The following NPSR1 variants were observed in gnomAD, a reference collection of about 807,000 sequenced individuals.
NPSR1 encodes the protein neuropeptide S receptor 1.
A neutral mutation model predicts 46.9 loss-of-function variants in NPSR1; 48 were observed. The observed-to-expected ratio is 1.02, with a 90% CI of 0.81 to 1.30. NPSR1 has a LOEUF of 1.30. Among genes scored for constraint, NPSR1 ranks in the 50% most tolerant of loss-of-function variants. The probability of loss-of-function intolerance (pLI) is 0.00; values close to 1 mark genes in which losing one functional copy is unlikely to be tolerated. For missense variants in NPSR1, 450 were observed against 449.5 expected, an observed-to-expected ratio of 1.00 and a Z score of -0.01; for synonymous variants, 176 against 168.1, an observed-to-expected ratio of 1.05 and a Z score of -0.36.
intron 2 of NPSR1, among the ~76,000 whole-genome samples, chr7:34,745,084 C>G (rs779570659): frequency 6.6e-6 from 1 of 152,130 alleles, no homozygotes; most frequent in East Asian, 1.9e-4. Context: ...GGAAGGCTAT[C>G]CATGGAAACC....
Position 34,858,507 on chromosome 7 carries a change from A to T in NPSR1, c.1025+9844A>T, listed in dbSNP as rs1193493831. Among the ~76,000 whole-genome samples the T allele has an allele frequency of 7.2e-5, 11 of 151,992 alleles. 1 individual carries two copies. Among genetic ancestry groups the T allele is most frequent in the African/African-American group, 2.7e-4 (11 of 41,250 alleles). On this transcript the variant is annotated intron_variant, in intron 8 of 8. Coordinates refer to the NPSR1 transcript ENST00000359791. ...CCAAAATTAAATTATCATATTTAGC[A>T]ATGCACACATAGGTAATTGTATTAG...
chr7:34,794,463 A>C (rs552598803), intron 3 of NPSR1, among the ~76,000 whole-genome samples: 1 of 152,328 alleles, frequency 6.6e-6, no homozygotes, highest in East Asian at 1.9e-4. Context: ...CAATTCCTTG[A>C]AAGATACAGT....
At chr7:34,762,581 C>G (rs1357707743) in intron 2 of NPSR1, among the ~76,000 whole-genome samples, 1 of 152,052 alleles carries the variant, frequency 6.6e-6, no homozygotes, top group Non-Finnish European at 1.5e-5. Flanking sequence ...TTATCAATAT[C>G]AAAAATAGTT....
chr7:34,862,090 C>G (rs962119266), intron 8 of NPSR1, among the ~76,000 whole-genome samples: 8 of 151,914 alleles, frequency 5.3e-5, no homozygotes, highest in Admixed American at 1.3e-4. Flanking sequence ...CCAAAGCCAC[C>G]CTTTTATTCA....
chr7:34,686,335 G>A (rs1350148334), intron 2 of NPSR1, among the ~76,000 whole-genome samples: 2 of 152,122 alleles, frequency 1.3e-5, no homozygotes, highest in Non-Finnish European at 2.9e-5. Context: ...GAAAAACATT[G>A]CCAAAGGTCT....
At chr7:34,763,490 T>C (rs535236281) in intron 2 of NPSR1, among the ~76,000 whole-genome samples, 14 of 152,020 alleles carry the variant, frequency 9.2e-5, no homozygotes, top group African/African-American at 2.9e-4. Context: ...TGTTATCCCA[T>C]AGTATAGTGG....
chr7:34,695,937 C>T (rs1793496211), intron 2 of NPSR1, among the ~76,000 whole-genome samples: 1 of 151,960 alleles, frequency 6.6e-6, no homozygotes, highest in Non-Finnish European at 1.5e-5. Flanking sequence ...TTTCACCAAG[C>T]AATCTCACTA....
At chr7:34,872,761 G>A (rs1352628971) in intron 8 of NPSR1, among the ~76,000 whole-genome samples, 1 of 151,650 alleles carries the variant, frequency 6.6e-6, no homozygotes. Context: ...CACAAGAACA[G>A]CACAGGAAAT....
chr7:34,683,905 T>C lies in NPSR1; in HGVS notation c.148-647T>C, dbSNP rs541463260. 2.0e-5 allele frequency among the ~76,000 whole-genome samples: 3 copies of C among 152,330 alleles called. No homozygotes were observed. In the South Asian group the frequency reaches 6.2e-4, roughly 32 times the overall value. ...ACACATTCAAACCACAGAAACATTC[T>C]TCAGTAGAACTTTAATATTACTGTC... On this transcript the variant is annotated intron_variant, in intron 1 of 8. Coordinates refer to ENST00000360581, the MANE Select transcript of NPSR1 (RefSeq NM_207172.2).
chr7:34,850,452 G>A (rs1324787593), downstream of NPSR1, among the ~76,000 whole-genome samples: 1 of 144,260 alleles, frequency 6.9e-6, no homozygotes, highest in Admixed American at 7.0e-5. Flanking sequence ...CCAGGCTGGA[G>A]TGCAGTGGCA....
intron 3 of NPSR1, among the ~76,000 whole-genome samples, chr7:34,783,011 C>T (rs1011968326): frequency 3.3e-5 from 5 of 151,694 alleles, no homozygotes; most frequent in African/African-American, 1.2e-4. Flanking sequence ...TAGACAGCAT[C>T]CAGCAGAAAT....
At chr7:34,664,398 G>A (rs1459338463) in intron 1 of NPSR1, among the ~76,000 whole-genome samples, 2 of 152,122 alleles carry the variant, frequency 1.3e-5, no homozygotes, top group South Asian at 2.1e-4. Flanking sequence ...CGGCCCCCAG[G>A]AGTGTTCATT....
intron 2 of NPSR1, among the ~76,000 whole-genome samples, chr7:34,725,032 C>T (rs865801607): frequency 1.3e-5 from 2 of 151,760 alleles, no homozygotes; most frequent in African/African-American, 4.8e-5. Context: ...TTAATTTCTA[C>T]ATGGAAAAGG....
At chr7:34,771,665 T>G (rs1039458741) in intron 2 of NPSR1, among the ~76,000 whole-genome samples, 1 of 152,070 alleles carries the variant, frequency 6.6e-6, no homozygotes, top group Admixed American at 6.6e-5. Flanking sequence ...TAAAAAGAAA[T>G]AAATGAAAAC....
In NPSR1 at chr7:34,721,204, C is replaced by T. The variant is rs1173225564; in HGVS notation, c.280+36520C>T. On this transcript the variant is annotated intron_variant, in intron 2 of 8. Transcript: ENST00000360581. ...ATCAAAACAGGTGTAATTCATGTTG[C>T]ATAACACCCAATCCATTCCTGGAAA... 3.2e-4 allele frequency among the ~76,000 whole-genome samples: 48 copies of T among 152,096 alleles called. 1 individual carries two copies.
chr7:34,782,974 A>G (rs531759833), intron 3 of NPSR1, among the ~76,000 whole-genome samples: 3 of 152,190 alleles, frequency 2.0e-5, no homozygotes, highest in Non-Finnish European at 2.9e-5. Flanking sequence ...GAGCTAAAAA[A>G]CATTATAAAT....
chr7:34,792,655 ATATATATATT>A (rs1787951210), intron 3 of NPSR1, among the ~76,000 whole-genome samples: 3 of 116,108 alleles, frequency 2.6e-5, no homozygotes, highest in African/African-American at 7.4e-5. Flanking sequence ...ATATATATGT[ATATATATATT>A]TATATATATG....
chr7:34,743,670 C>A (rs193101326), intron 2 of NPSR1, among the ~76,000 whole-genome samples: 73 of 152,272 alleles, frequency 4.8e-4, no homozygotes, highest in Non-Finnish European at 9.4e-4. Context: ...GAACTCCTAA[C>A]CTCGTATCAG....
intron 8 of NPSR1, among the ~76,000 whole-genome samples, chr7:34,858,128 C>T (rs1206423542): frequency 6.6e-6 from 1 of 151,662 alleles, no homozygotes; most frequent in Non-Finnish European, 1.5e-5. Context: ...AAATTATGTG[C>T]CTTAAACTAG....
Sources: gnomAD v4.1 joint callset for allele counts (sites outside exome capture counted in the v4.1 genomes callset) on GRCh38, gnomAD v4.1.1 for gene constraint, MANE v1.5 for transcripts, NCBI Gene and HGNC (gene_info 2026-07-23, HGNC 2026-07-21) for gene names.